The following TBPL2 variants were observed in gnomAD, a reference collection of about 807,000 sequenced individuals.
The protein encoded by TBPL2 is TATA box-binding protein-like 2.
TBPL2 carries 40 observed loss-of-function variants against 38.2 expected under a neutral mutation model. The ratio of observed to expected loss-of-function variants is 1.05; its 90% CI spans 0.81 to 1.36. The LOEUF (loss-of-function observed/expected upper bound fraction) is 1.36. TBPL2 is among the 40% of genes most tolerant of loss of function. The pLI, the probability that TBPL2 is intolerant of heterozygous loss-of-function variation, is 0.00. For synonymous variants in TBPL2, 169 were observed against 171.7 expected (o/e 0.98, Z 0.12); for missense variants, 461 against 456.7 (o/e 1.01, Z -0.09).
At chr14:55,428,088 C>G (rs896157261) in intron 5 of TBPL2, among the ~76,000 whole-genome samples, 4 of 146,440 alleles carry the variant, frequency 2.7e-5, no homozygotes, top group Non-Finnish European at 4.5e-5. Flanking sequence ...AAGCCCCTTC[C>G]TACCGGCCTA....
chr14:55,437,107 G>A (rs1270791060), intron 1 of TBPL2, 89 bp from the exon 2 acceptor site: 1 of 1,156,952 alleles, frequency 8.6e-7, no homozygotes, highest in Admixed American at 1.8e-5. Flanking sequence ...AGGCAGGCAG[G>A]CAATGTATTC....
rs369952330 is a variant in TBPL2, at chr14:55,435,337, A to AT, written c.696+509dup. On this transcript the variant is annotated intron_variant, in intron 3 of 6. Transcript: ENST00000247219. ...GTTACCCAGGCTGGAATGTAATGGCATGATCTTGGCTCACTGCAACCTCTG... is the reference window on the plus strand; with the variant it reads ...GTTACCCAGGCTGGAATGTAATGGCATTGATCTTGGCTCACTGCAACCTCTG... Among the ~76,000 whole-genome samples the AT allele has an allele frequency of 6.7e-5, 10 of 149,568 alleles. No individual in the cohort carries two copies. The East Asian group carries it at 2.0e-3, about 29-fold the overall frequency.
intron 5 of TBPL2, among the ~76,000 whole-genome samples, chr14:55,427,508 C>T (rs553524884): frequency 3.3e-5 from 5 of 152,166 alleles, no homozygotes; most frequent in African/African-American, 7.2e-5. Context: ...GATAATCATT[C>T]GATGGCCAAG....
intron 4 of TBPL2, among the ~76,000 whole-genome samples, chr14:55,432,176 G>C (rs910062368): frequency 1.3e-5 from 2 of 151,736 alleles, no homozygotes; most frequent in African/African-American, 4.9e-5. Context: ...GGGAGACCAA[G>C]GTGGGAGGAC....
At chr14:55,428,259 A>G (rs1223004639) in intron 5 of TBPL2, among the ~76,000 whole-genome samples, 1 of 150,394 alleles carries the variant, frequency 6.6e-6, no homozygotes, top group East Asian at 2.0e-4. Flanking sequence ...CCTCCCGAGT[A>G]GCTGGGACTA....
At chr14:55,435,894 G>T in exon 3 of TBPL2, 1 of 1,576,874 alleles carries the variant, frequency 6.3e-7, no homozygotes, top group Non-Finnish European at 8.6e-7. Flanking sequence ...ATTTTCTTCA[G>T]ATCCAACTTA....
intron 5 of TBPL2, among the ~76,000 whole-genome samples, chr14:55,428,122 T>TTTTTTTTTC (rs1885860334): frequency 2.8e-5 from 2 of 72,102 alleles, no homozygotes; most frequent in Non-Finnish European, 5.1e-5. Context: ...GCCTTATCTT[T>TTTTTTTTTC]TTTTTTTTTT....
intron 6 of TBPL2, among the ~76,000 whole-genome samples, chr14:55,416,116 A>G (rs953821162): frequency 1.3e-5 from 2 of 152,176 alleles, no homozygotes; most frequent in Admixed American, 1.3e-4. Flanking sequence ...GTTTAATGAT[A>G]TCAGGTTTTA....
chr14:55,439,968 C>CGT (rs1886084198), intron 1 of TBPL2, among the ~76,000 whole-genome samples: 1 of 137,500 alleles, frequency 7.3e-6, no homozygotes. Flanking sequence ...AGGTGTGGTG[C>CGT]GTGTGCCTGA....
At chr14:55,437,408 G>T (rs1352105825) in intron 1 of TBPL2, among the ~76,000 whole-genome samples, 2 of 152,270 alleles carry the variant, frequency 1.3e-5, no homozygotes, top group Non-Finnish European at 2.9e-5. Flanking sequence ...AACCTGGGAG[G>T]CAGAGGTTGC....
At chr14:55,432,453 C>CACAAAAAAAA (rs1229445589) in intron 4 of TBPL2, among the ~76,000 whole-genome samples, 79 of 112,520 alleles carry the variant, frequency 7.0e-4, no homozygotes, top group African/African-American at 2.9e-3. Context: ...ACAAAAAAAA[C>CACAAAAAAAA]ACCATAAAAT....
chr14:55,415,542 C>T (rs1173256896), intron 6 of TBPL2, among the ~76,000 whole-genome samples: 1 of 152,200 alleles, frequency 6.6e-6, no homozygotes, highest in African/African-American at 2.4e-5. Flanking sequence ...GTGGAAACAG[C>T]TTAAATGCCC....
At chr14:55,423,840 G>T (rs911620025) in intron 6 of TBPL2, among the ~76,000 whole-genome samples, 1 of 152,120 alleles carries the variant, frequency 6.6e-6, no homozygotes, top group African/African-American at 2.4e-5. Flanking sequence ...CCTGTGTTAG[G>T]ACCTTGTGTG....
At chr14:55,423,905 T>C in intron 6 of TBPL2, among the ~76,000 whole-genome samples, 1 of 152,336 alleles carries the variant, frequency 6.6e-6, no homozygotes, top group East Asian at 1.9e-4. Flanking sequence ...CCATATATGT[T>C]ATCATGGATA....
In TBPL2 at chr14:55,435,509, C is replaced by T. The variant is rs574981452; in HGVS notation, c.696+338G>A. 3.0e-4 allele frequency among the ~76,000 whole-genome samples: 45 copies of T among 152,070 alleles called. No homozygotes were observed. The South Asian group carries it at 9.3e-3, about 32-fold the overall frequency. On this transcript the variant is annotated intron_variant, in intron 3 of 6. Transcript: ENST00000247219. ...CAGGCTGGTCTCAAACTCCTGACCTCGTGATCCACCTGCCTCAGCCTCCCA... is the reference window on the plus strand; with the variant it reads ...CAGGCTGGTCTCAAACTCCTGACCTTGTGATCCACCTGCCTCAGCCTCCCA...
At chr14:55,437,094 G>T in intron 1 of TBPL2, 76 bp from the exon 2 acceptor site, 1 of 1,223,492 alleles carries the variant, frequency 8.2e-7, no homozygotes, top group Non-Finnish European at 1.2e-6. Context: ...ATGTCACTAT[G>T]GCAGGCAGGC....
intron 1 of TBPL2, among the ~76,000 whole-genome samples, chr14:55,439,292 A>AAG (rs1886067043): frequency 6.6e-6 from 1 of 151,494 alleles, no homozygotes; most frequent in South Asian, 2.1e-4. Context: ...AAAAAAAAAA[A>AAG]AAGCCACAGG....
At position 55,436,962 on chromosome 14, in the gene TBPL2, CAT is replaced by C. The variant is rs1206279295; in HGVS notation, c.205_206del (p.Met69ValfsTer13). 9 of 1,614,052 alleles carry C rather than the reference CAT, an allele frequency of 5.6e-6. No individual in the cohort carries two copies. The highest frequency in any genetic ancestry group is 6.8e-6 in the Non-Finnish European group (8 of 1,180,044). ...CCGGATTGGATGCATTCAGTATGTA[CAT>C]ATCATAAGGTACAACTGGGCTGAAC... On this transcript the variant is annotated frameshift_variant, in exon 2 of 7. Transcript: ENST00000247219. LOFTEE classifies it high-confidence loss of function.
At chr14:55,421,451 C>T (rs1594789908) in intron 6 of TBPL2, among the ~76,000 whole-genome samples, 1 of 152,084 alleles carries the variant, frequency 6.6e-6, no homozygotes, top group South Asian at 2.1e-4. Context: ...TCCAAACAAG[C>T]TTTCCCCACT....
Sources: gnomAD v4.1 joint callset for allele counts (sites outside exome capture counted in the v4.1 genomes callset) on GRCh38, gnomAD v4.1.1 for gene constraint, MANE v1.5 for transcripts, NCBI Gene and HGNC (gene_info 2026-07-23, HGNC 2026-07-21) for gene names.